Variants in KLF12 observed in about 807,000 individuals in gnomAD.
KLF12 encodes Krueppel-like factor 12.
Under a neutral mutation model 37.8 loss-of-function variants are expected in KLF12, and 9 were observed. The ratio of observed to expected loss-of-function variants is 0.24; its 90% CI spans 0.14 to 0.42. KLF12 has a LOEUF of 0.42. Among genes scored for constraint, KLF12 ranks in the 10% least tolerant of loss-of-function variants. The pLI is 1.00. For synonymous variants in KLF12, 208 were observed against 202.1 expected, an observed-to-expected ratio of 1.03 and a Z score of -0.25; for missense variants, 411 against 516.0, an observed-to-expected ratio of 0.80 and a Z score of 1.97.
chr13:73,831,931 G>A (rs7998795), intron 4 of KLF12, among the ~76,000 whole-genome samples: 16 of 152,168 alleles, frequency 1.1e-4, no homozygotes, highest in African/African-American at 3.6e-4. Context: ...TAAAAATAAC[G>A]ATTGAGAAAT....
chr13:74,178,772 C>T, the KLF12 span, among the ~76,000 whole-genome samples: 50 of 152,180 alleles, frequency 3.3e-4, 1 homozygote, highest in Non-Finnish European at 6.0e-4. Flanking sequence ...CATAGGACAT[C>T]CCTTTGTCAG....
chr13:73,738,110 T>TATATGTATGTGTAC (rs1877629348), intron 6 of KLF12, among the ~76,000 whole-genome samples: 4 of 90,476 alleles, frequency 4.4e-5, no homozygotes, highest in African/African-American at 1.8e-4. Flanking sequence ...TATATATATA[T>TATATGTATGTGTAC]ATATATATAT....
chr13:74,195,723 C>T, the KLF12 span, among the ~76,000 whole-genome samples: 2 of 152,060 alleles, frequency 1.3e-5, no homozygotes, highest in East Asian at 1.9e-4. Context: ...CTCAGCCTCC[C>T]GAATAGTTGG....
At chr13:74,099,663 C>T (rs1876198813) in intron 1 of KLF12, among the ~76,000 whole-genome samples, 2 of 152,026 alleles carry the variant, frequency 1.3e-5, no homozygotes, top group African/African-American at 4.8e-5. Flanking sequence ...TGCAGGGTAC[C>T]AAGGAAGCAC....
the KLF12 span, among the ~76,000 whole-genome samples, chr13:74,220,885 AT>A: frequency 1.3e-5 from 2 of 152,310 alleles, no homozygotes; most frequent in Middle Eastern, 3.4e-3. Context: ...CATTGTGTAT[AT>A]ATAATGTCTT....
intron 3 of KLF12, among the ~76,000 whole-genome samples, chr13:73,859,919 T>C (rs777409209): frequency 6.6e-6 from 1 of 152,218 alleles, no homozygotes; most frequent in Non-Finnish European, 1.5e-5. Context: ...CTTTTCTTCC[T>C]TTCCTTTCAA....
chr13:74,106,584 T>TA (rs1198790069), intron 1 of KLF12, among the ~76,000 whole-genome samples: 2 of 152,196 alleles, frequency 1.3e-5, no homozygotes, highest in Non-Finnish European at 2.9e-5. Context: ...AGTGCATACT[T>TA]AAAACAACTG....
chr13:74,111,747 G>A (rs1017767711), intron 1 of KLF12, among the ~76,000 whole-genome samples: 16 of 152,128 alleles, frequency 1.1e-4, no homozygotes, highest in African/African-American at 3.9e-4. Context: ...AAAGTACTAT[G>A]AGTTACTAAA....
intron 1 of KLF12, among the ~76,000 whole-genome samples, chr13:74,075,256 A>G (rs540501990): frequency 6.6e-6 from 1 of 152,322 alleles, no homozygotes; most frequent in South Asian, 2.1e-4. Context: ...CCTTTTCTCC[A>G]TTTTCTAATC....
chr13:74,165,408 C>T, the KLF12 span, among the ~76,000 whole-genome samples: 12 of 151,566 alleles, frequency 7.9e-5, no homozygotes, highest in African/African-American at 2.7e-4. Context: ...AAGTGATCCT[C>T]CCACCTCAGC....
rs182604186 is a variant in KLF12 at position 73,892,697 on chromosome 13, T to C, written c.124-46324A>G. On this transcript the variant is annotated intron_variant, in intron 3 of 7. Coordinates refer to ENST00000377669, the MANE Select transcript of KLF12 (RefSeq NM_007249.5). ...AGAATGGCATAGAGTTATGGATTGC[T>C]AGAGAAAGACATCTAAGTTATTCTT... Among the ~76,000 whole-genome samples the C allele has an allele frequency of 2.3e-4, 35 of 152,302 alleles. 1 individual carries two copies.
Position 73,694,362 on chromosome 13 carries a change from TG to T in KLF12, c.*1127del, listed in dbSNP as rs1168693176. 6.5e-6 allele frequency: 1 copy of T among 152,682 alleles called. No individual in the cohort carries two copies. Among genetic ancestry groups the T allele is most frequent in the African/African-American group, 2.4e-5 (1 of 41,468 alleles). 9.5% of individuals were successfully genotyped at this position (152,682 alleles called of 1,614,324 possible). A position where few individuals can be genotyped will look rare whatever the true frequency, so the allele number is the denominator to read the frequency against. ...AACAGCAGAAAGATTACCTCAGTGC[TG>T]TAAATGGAACCAAGACACCTAAAAT... On this transcript the variant is annotated 3_prime_UTR_variant, in exon 8 of 8. Coordinates refer to ENST00000377669, the MANE Select transcript of KLF12 (RefSeq NM_007249.5).
the KLF12 span, among the ~76,000 whole-genome samples, chr13:74,158,790 A>T: frequency 1.3e-5 from 2 of 152,230 alleles, no homozygotes; most frequent in African/African-American, 4.8e-5. Flanking sequence ...TTCAGGTCAG[A>T]GACCTTGCCT....
the KLF12 span, among the ~76,000 whole-genome samples, chr13:74,152,902 T>C: frequency 6.8e-6 from 1 of 146,452 alleles, no homozygotes; most frequent in African/African-American, 2.5e-5. Context: ...ATAATAATAA[T>C]AATAATAATA....
the KLF12 span, among the ~76,000 whole-genome samples, chr13:74,148,403 C>CTTTTTTT: frequency 7.3e-3 from 533 of 73,496 alleles, 7 homozygotes; most frequent in Non-Finnish European, 8.7e-3. Context: ...CAAAACTGCT[C>CTTTTTTT]TTTTTTTTTT....
chr13:74,259,026 AT>A, the KLF12 span: 4 of 152,202 alleles, frequency 2.6e-5, no homozygotes, highest in African/African-American at 9.7e-5. Context: ...TGATCAGCTA[AT>A]TTCCGTGCTT....
At chr13:73,904,362 C>A (rs1000629326) in intron 3 of KLF12, among the ~76,000 whole-genome samples, 1 of 151,166 alleles carries the variant, frequency 6.6e-6, no homozygotes, top group East Asian at 1.9e-4. Flanking sequence ...ATGGTTTAAT[C>A]TATCGTAAAT....
intron 6 of KLF12, among the ~76,000 whole-genome samples, chr13:73,736,585 C>T (rs1877480585): frequency 6.6e-6 from 1 of 152,166 alleles, no homozygotes. Context: ...TATTGTCAAG[C>T]AGGAACTTTA....
intron 3 of KLF12, among the ~76,000 whole-genome samples, chr13:73,856,049 T>C (rs757715414): frequency 1.2e-4 from 19 of 152,174 alleles, no homozygotes; most frequent in Non-Finnish European, 2.2e-4. Context: ...CACACAGGTA[T>C]ATGTAATTAA....
Sources: gnomAD v4.1 joint callset for allele counts (sites outside exome capture counted in the v4.1 genomes callset) on GRCh38, gnomAD v4.1.1 for gene constraint, MANE v1.5 for transcripts, NCBI Gene and HGNC (gene_info 2026-07-23, HGNC 2026-07-21) for gene names.